NTM: variants seen among roughly 807,000 people sequenced by gnomAD.
NTM encodes the protein IgLON family member 2.
In NTM, 13 loss-of-function variants were observed where a neutral mutation model predicts 42.1. That is an observed-to-expected ratio of 0.31 (90% CI 0.20 to 0.49). NTM has a LOEUF of 0.49. Among genes scored for constraint, NTM ranks in the 20% least tolerant of loss-of-function variants. The pLI is 0.99. For missense variants in NTM, 373 were observed against 452.8 expected (o/e 0.82, Z 1.60); for synonymous variants, 187 against 179.2 (o/e 1.04, Z -0.35).
intron 1 of NTM, among the ~76,000 whole-genome samples, chr11:131,780,047 G>A (rs537811301): frequency 6.6e-6 from 1 of 152,308 alleles, no homozygotes; most frequent in African/African-American, 2.4e-5. Context: ...AACTTTCATA[G>A]GTTTCAGTGT....
chr11:132,326,795 C>G (rs930244420), intron 7 of NTM, among the ~76,000 whole-genome samples: 9 of 152,160 alleles, frequency 5.9e-5, no homozygotes, highest in Non-Finnish European at 1.2e-4. Flanking sequence ...TGTGTTCATT[C>G]CCCCGCCTCC....
intron 1 of NTM, among the ~76,000 whole-genome samples, chr11:131,861,907 C>A (rs1006966060): frequency 1.3e-5 from 2 of 152,148 alleles, no homozygotes; most frequent in Non-Finnish European, 2.9e-5. Flanking sequence ...GTCCCAAATG[C>A]ACGTGGGTCT....
At chr11:131,594,735 T>A (rs2059669331) in intron 1 of NTM, among the ~76,000 whole-genome samples, 1 of 152,262 alleles carries the variant, frequency 6.6e-6, no homozygotes, top group African/African-American at 2.4e-5. Context: ...ATTCTCCTTC[T>A]GATGAAAATA....
chr11:131,828,955 C>A lies in NTM; in HGVS notation c.83-82609C>A, dbSNP rs539061881. Among the ~76,000 whole-genome samples, 7 of 150,268 alleles carry A rather than the reference C, an allele frequency of 4.7e-5. No homozygotes were observed. The South Asian group carries it at 8.6e-4, about 18-fold the overall frequency. ...CATCTTTTATTTCTCTCTCTCTCTTCCTCTCCCTCCATCACTCTCCCTCTC... is the reference window on the plus strand; with the variant it reads ...CATCTTTTATTTCTCTCTCTCTCTTACTCTCCCTCCATCACTCTCCCTCTC... On this transcript the variant is annotated intron_variant, in intron 1 of 8. Transcript: ENST00000683400.
chr11:131,774,435 A>G (rs1591753995), intron 1 of NTM, among the ~76,000 whole-genome samples: 2 of 152,264 alleles, frequency 1.3e-5, no homozygotes, highest in East Asian at 3.9e-4. Context: ...CTTTGCCATA[A>G]TTCTTTTTGG....
chr11:131,646,162 A>G (rs551063019), intron 1 of NTM, among the ~76,000 whole-genome samples: 1 of 152,280 alleles, frequency 6.6e-6, no homozygotes, highest in African/African-American at 2.4e-5. Flanking sequence ...GCCCGATCTA[A>G]CCCATTGCTT....
At chr11:131,393,055 C>T (rs541623150) in intron 1 of NTM, among the ~76,000 whole-genome samples, 1 of 152,282 alleles carries the variant, frequency 6.6e-6, no homozygotes, top group East Asian at 1.9e-4. Flanking sequence ...CACCACTCCC[C>T]TGCCGTCAGG....
chr11:131,653,288 T>C (rs74851497), intron 1 of NTM, among the ~76,000 whole-genome samples: 89 of 10,224 alleles, frequency 8.7e-3, no homozygotes, highest in African/African-American at 0.012. Context: ...CTGTCTCTCT[T>C]AGCCTTCAGA....
intron 7 of NTM, among the ~76,000 whole-genome samples, chr11:132,326,861 A>C (rs931916605): frequency 6.6e-6 from 1 of 152,336 alleles, no homozygotes; most frequent in East Asian, 1.9e-4. Flanking sequence ...AATACGCTCC[A>C]AGTTATACTT....
chr11:131,566,288 C>T (rs193170042), intron 1 of NTM, among the ~76,000 whole-genome samples: 4 of 152,280 alleles, frequency 2.6e-5, no homozygotes, highest in Admixed American at 2.0e-4. Flanking sequence ...TGTTCTTGCT[C>T]GCCAGTAAGT....
intron 4 of NTM, among the ~76,000 whole-genome samples, chr11:132,238,122 C>T (rs1373551586): frequency 6.6e-6 from 1 of 152,132 alleles, no homozygotes; most frequent in Non-Finnish European, 1.5e-5. Flanking sequence ...GTGCACTCCA[C>T]TAAATCACTC....
intron 1 of NTM, among the ~76,000 whole-genome samples, chr11:131,393,397 G>A (rs552599234): frequency 1.3e-4 from 20 of 152,320 alleles, no homozygotes; most frequent in African/African-American, 4.3e-4. Flanking sequence ...AAGTGATGGA[G>A]GAATGGACAG....
At chr11:132,170,222 C>A (rs2075929281) in intron 3 of NTM, among the ~76,000 whole-genome samples, 1 of 152,166 alleles carries the variant, frequency 6.6e-6, no homozygotes, top group Non-Finnish European at 1.5e-5. Flanking sequence ...TTCATGTCAC[C>A]AATAACCATA....
At position 131,370,765 on chromosome 11, in the gene NTM, C is replaced by A. The variant is rs754900198; in HGVS notation, c.-42C>A. On this transcript the variant is annotated 5_prime_UTR_variant, in exon 1 of 9. Transcript: ENST00000683400. ...TCAGGAAAGAAAGAAAGAAAAAAAC[C>A]GAACCTGACAAAAAAGAAGAAAAAG... The A allele has an allele frequency of 1.3e-6, 2 of 1,547,972 alleles. No individual in the cohort carries two copies. Among genetic ancestry groups the A allele is most frequent in the South Asian group, 2.3e-5 (2 of 87,780 alleles).
chr11:132,036,647 G>T (rs1239768970), intron 2 of NTM, among the ~76,000 whole-genome samples: 2 of 152,158 alleles, frequency 1.3e-5, no homozygotes, highest in Non-Finnish European at 1.5e-5. Flanking sequence ...TCATTTCAGT[G>T]AATTCCTGTC....
intron 4 of NTM, among the ~76,000 whole-genome samples, chr11:132,292,631 A>C (rs990201373): frequency 6.6e-6 from 1 of 151,964 alleles, no homozygotes; most frequent in Non-Finnish European, 1.5e-5. Context: ...TTCCTACAGC[A>C]GACACAGAGG....
chr11:131,598,755 C>CT (rs201769252), intron 1 of NTM, among the ~76,000 whole-genome samples: 1,107 of 30,690 alleles, frequency 0.036, 66 homozygotes, highest in African/African-American at 0.073. Context: ...TTCTTTCTTT[C>CT]TTCTTTCTTT....
chr11:132,330,233 G>T, intron 8 of NTM, 48 bp downstream of exon 8: 5 of 1,517,734 alleles, frequency 3.3e-6, no homozygotes, highest in Non-Finnish European at 4.5e-6. Context: ...TGTGGGGTAT[G>T]TAAAACTCTT....
At position 131,776,955 on chromosome 11, in the gene NTM, A is replaced by G. The variant is rs146537820; in HGVS notation, c.83-134609A>G. ...AACTTAGTAAAGGCTATACCAATGT[A>G]TAAGAGACAGGTGAAGTTGTCTCTG... On this transcript the variant is annotated intron_variant, in intron 1 of 8. Transcript: ENST00000683400. 643 of 159,192 alleles carry G rather than the reference A, an allele frequency of 4.0e-3. 3 individuals are homozygous for G. The highest frequency in any genetic ancestry group is 0.013 in the Middle Eastern group (4 of 312). The allele number at this position is 159,192 out of a possible 1,614,324, so 9.9% of individuals were successfully genotyped here. A position where few individuals can be genotyped will look rare whatever the true frequency, so the allele number is the denominator to read the frequency against.
Sources: allele counts gnomAD v4.1 joint callset (sites outside exome capture counted in the v4.1 genomes callset), GRCh38; gene constraint gnomAD v4.1.1; transcripts MANE v1.5; gene names NCBI Gene and HGNC (gene_info 2026-07-23, HGNC 2026-07-21).